ADAMTS19: variants seen among roughly 807,000 people sequenced by gnomAD.
ADAMTS19 encodes ADAM metallopeptidase with thrombospondin type 1 motif 19.
ADAMTS19 carries 93 observed loss-of-function variants against 153.3 expected under a neutral mutation model. The ratio of observed to expected loss-of-function variants is 0.61; its 90% confidence interval spans 0.51 to 0.72. ADAMTS19 has a LOEUF of 0.72. Ranked by LOEUF, ADAMTS19 falls within the 30% of genes least tolerant of loss-of-function variation. The probability of loss-of-function intolerance (pLI) is 0.00; values close to 1 mark genes in which losing one functional copy is unlikely to be tolerated. For missense variants in ADAMTS19, 1,482 were observed against 1,552.1 expected, an observed-to-expected ratio of 0.95 and a Z score of 0.76; for synonymous variants, 600 against 556.6, an observed-to-expected ratio of 1.08 and a Z score of -1.10.
chr5:129,609,127 A>G (rs1751071358), intron 8 of ADAMTS19, among the ~76,000 whole-genome samples: 1 of 152,172 alleles, frequency 6.6e-6, no homozygotes, highest in Admixed American at 6.6e-5. Context: ...GATGTCACAG[A>G]TATCTTCCTC....
At chr5:129,619,786 G>C (rs1375569381) in intron 8 of ADAMTS19, among the ~76,000 whole-genome samples, 1 of 151,996 alleles carries the variant, frequency 6.6e-6, no homozygotes, top group Non-Finnish European at 1.5e-5. Context: ...TGACAGTTGA[G>C]TGAAACACTT....
chr5:129,535,318 G>C (rs1381871368), intron 6 of ADAMTS19, among the ~76,000 whole-genome samples: 2 of 152,092 alleles, frequency 1.3e-5, no homozygotes, highest in African/African-American at 4.8e-5. Flanking sequence ...CAATTGGCTT[G>C]AAAGAGAATA....
At position 129,654,490 on chromosome 5, in the gene ADAMTS19, C is replaced by A. The variant is rs942396402; in HGVS notation, c.2304+57C>A. Reference sequence around the variant, plus strand: ...ATGTTGAAGGAAAATTGTGGGACCACTGAGCAGCTTCACAGCATGGTGGAA... The same window carrying A: ...ATGTTGAAGGAAAATTGTGGGACCAATGAGCAGCTTCACAGCATGGTGGAA... On this transcript the variant is annotated intron_variant, in intron 14 of 22. Transcript: ENST00000274487. 65 of 1,565,272 alleles carry A rather than the reference C, an allele frequency of 4.2e-5. 3 individuals carry two copies. In the South Asian group the frequency reaches 7.3e-4, roughly 18 times the overall value.
At chr5:129,563,272 A>C (rs896345409) in intron 7 of ADAMTS19, among the ~76,000 whole-genome samples, 1 of 152,128 alleles carries the variant, frequency 6.6e-6, no homozygotes, top group Admixed American at 6.5e-5. Context: ...TAAAATACTT[A>C]AAGCAATTAT....
At chr5:129,627,864 A>T (rs1752121013) in intron 10 of ADAMTS19, among the ~76,000 whole-genome samples, 1 of 152,030 alleles carries the variant, frequency 6.6e-6, no homozygotes, top group Non-Finnish European at 1.5e-5. Flanking sequence ...TAGTTCCACC[A>T]TTGTGGAAAG....
chr5:129,708,678 C>A (rs1756290607), intron 21 of ADAMTS19, among the ~76,000 whole-genome samples: 1 of 151,042 alleles, frequency 6.6e-6, no homozygotes, highest in African/African-American at 2.4e-5. Flanking sequence ...TAGAGTTAAC[C>A]CTTTCATGCA....
chr5:129,568,870 C>CA lies in ADAMTS19; in HGVS notation c.1372+16971dup, dbSNP rs200520352. On this transcript the variant is annotated intron_variant, in intron 7 of 22. Coordinates refer to ENST00000274487, the MANE Select transcript of ADAMTS19 (RefSeq NM_133638.6). ...AATCATTTAATATTGAAAAAATATT[C>CA]AAAAAAAATAGAAGTCAGGAAAGGA... 3.1e-3 allele frequency among the ~76,000 whole-genome samples: 466 copies of CA among 150,230 alleles called. 9 individuals are homozygous for CA. Among genetic ancestry groups the CA allele is most frequent in the Middle Eastern group, 0.017 (5 of 294 alleles).
intron 3 of ADAMTS19, among the ~76,000 whole-genome samples, chr5:129,519,549 T>G (rs1442681284): frequency 6.6e-6 from 1 of 152,012 alleles, no homozygotes; most frequent in Non-Finnish European, 1.5e-5. Context: ...GTTGCAGTCC[T>G]TATGGCCTAG....
At chr5:129,573,648 G>T (rs1468022539) in intron 7 of ADAMTS19, among the ~76,000 whole-genome samples, 1 of 151,942 alleles carries the variant, frequency 6.6e-6, no homozygotes, top group East Asian at 1.9e-4. Context: ...TTAATTTTTG[G>T]CTGTCTTGTA....
chr5:129,633,162 C>T (rs898664952), intron 10 of ADAMTS19, among the ~76,000 whole-genome samples: 1 of 152,024 alleles, frequency 6.6e-6, no homozygotes, highest in South Asian at 2.1e-4. Flanking sequence ...TGCTCAAATC[C>T]ATTCAGTCAA....
At chr5:129,574,869 A>G (rs1160366580) in intron 7 of ADAMTS19, among the ~76,000 whole-genome samples, 4 of 151,600 alleles carry the variant, frequency 2.6e-5, no homozygotes, top group African/African-American at 9.7e-5. Context: ...GAAAAAAAAA[A>G]TTAACGTGTT....
chr5:129,641,639 T>C (rs1007446662), intron 10 of ADAMTS19, among the ~76,000 whole-genome samples: 6 of 152,192 alleles, frequency 3.9e-5, no homozygotes, highest in East Asian at 1.9e-4. Flanking sequence ...GATTTAACTT[T>C]ATGAAATAGA....
At chr5:129,678,185 C>T (rs1754636096) in intron 16 of ADAMTS19, among the ~76,000 whole-genome samples, 1 of 152,090 alleles carries the variant, frequency 6.6e-6, no homozygotes, top group Non-Finnish European at 1.5e-5. Context: ...ATTTCTCCAG[C>T]CTCCCTTCAT....
At chr5:129,585,495 T>A (rs565278080) in intron 7 of ADAMTS19, among the ~76,000 whole-genome samples, 14 of 152,298 alleles carry the variant, frequency 9.2e-5, no homozygotes, top group African/African-American at 1.9e-4. Context: ...TATACTTTTT[T>A]AAAAATAACT....
intron 21 of ADAMTS19, among the ~76,000 whole-genome samples, chr5:129,719,068 T>G (rs1339026794): frequency 6.6e-6 from 1 of 152,160 alleles, no homozygotes; most frequent in Admixed American, 6.5e-5. Context: ...AACCCCTAAA[T>G]GCACTGAAAT....
At chr5:129,519,455 C>A (rs998516241) in intron 3 of ADAMTS19, among the ~76,000 whole-genome samples, 3 of 151,988 alleles carry the variant, frequency 2.0e-5, no homozygotes, top group African/African-American at 7.2e-5. Context: ...AGGGGTGATG[C>A]CAGAACTCCC....
chr5:129,704,455 T>C, intron 21 of ADAMTS19, 64 bp downstream of exon 21: 1 of 1,541,160 alleles, frequency 6.5e-7, no homozygotes, highest in South Asian at 1.2e-5. Flanking sequence ...CCCTGGGTAC[T>C]ATAACCACAT....
chr5:129,596,796 G>A (rs182706884), intron 8 of ADAMTS19, 132 bp downstream of exon 8: 90 of 589,382 alleles, frequency 1.5e-4, no homozygotes, highest in African/African-American at 1.5e-3. Flanking sequence ...GACAAGAAGG[G>A]GTGAAGACTG....
chr5:129,666,923 T>C (rs530867766), intron 16 of ADAMTS19, among the ~76,000 whole-genome samples: 4 of 152,306 alleles, frequency 2.6e-5, no homozygotes, highest in African/African-American at 9.6e-5. Context: ...TACAAAATTC[T>C]AAATTATAAT....
Sources: allele counts gnomAD v4.1 joint callset (sites outside exome capture counted in the v4.1 genomes callset), GRCh38; gene constraint gnomAD v4.1.1; transcripts MANE v1.5; gene names NCBI Gene and HGNC (gene_info 2026-07-23, HGNC 2026-07-21).